Variants in ZMAT5 observed in about 807,000 individuals in gnomAD.
ZMAT5 encodes zinc finger matrin-type 5.
In ZMAT5, 23 loss-of-function variants were observed where a neutral mutation model predicts 28.0. The observed-to-expected ratio is 0.82, with a 90% CI of 0.59 to 1.16. ZMAT5 has a LOEUF of 1.16. Among genes scored for constraint, ZMAT5 ranks in the 50% most tolerant of loss-of-function variants. ZMAT5 has a pLI of 0.00. For synonymous variants in ZMAT5, 76 were observed against 84.1 expected, an observed-to-expected ratio of 0.90 and a Z score of 0.52; for missense variants, 173 against 212.7, an observed-to-expected ratio of 0.81 and a Z score of 1.16.
intron 1 of ZMAT5, among the ~76,000 whole-genome samples, chr22:29,760,854 T>C (rs1320517287): frequency 1.3e-5 from 2 of 152,220 alleles, no homozygotes; most frequent in African/African-American, 4.8e-5. Context: ...GTTTTCTTAC[T>C]AGATAAGTGT....
At chr22:29,732,744 A>G (rs113435312) in intron 5 of ZMAT5, among the ~76,000 whole-genome samples, 2 of 150,446 alleles carry the variant, frequency 1.3e-5, no homozygotes, top group Non-Finnish European at 3.0e-5. Context: ...CTTCTCAAAA[A>G]AAAAAAAAAA....
chr22:29,740,278 C>T (rs1348525470), intron 4 of ZMAT5, among the ~76,000 whole-genome samples: 1 of 152,068 alleles, frequency 6.6e-6, no homozygotes, highest in Non-Finnish European at 1.5e-5. Flanking sequence ...CCTAGACTGT[C>T]GTAAGGGGTC....
chr22:29,739,731 G>A (rs1002145939), intron 4 of ZMAT5, among the ~76,000 whole-genome samples: 15 of 152,238 alleles, frequency 9.9e-5, no homozygotes, highest in Admixed American at 2.6e-4. Flanking sequence ...TGCAGCTGCC[G>A]CTGCTGCCAG....
chr22:29,749,104 G>T (rs2068035182), intron 1 of ZMAT5, among the ~76,000 whole-genome samples: 1 of 152,094 alleles, frequency 6.6e-6, no homozygotes, highest in South Asian at 2.1e-4. Flanking sequence ...TTGAGACAGA[G>T]TCTCGCTCTG....
chr22:29,738,648 T>C (rs917750085), intron 4 of ZMAT5, among the ~76,000 whole-genome samples: 26 of 151,842 alleles, frequency 1.7e-4, no homozygotes, highest in African/African-American at 6.3e-4. Context: ...TCCCATCAAA[T>C]AGAGACAACC....
Position 29,748,483 on chromosome 22 carries a change from CG to C in ZMAT5, c.61del (p.Arg21AlafsTer5). On this transcript the variant is annotated frameshift_variant, in exon 2 of 6. Transcript: ENST00000344318. LOFTEE classifies it high-confidence loss of function. ...CTGCAGCCCGTTCAGGTGCTTCTTG[CG>C]GTTGTGGAGGTTGTCCTGGAAGGAG... ...DRSFQDNLHN[R>X]KKHLNGLQHL... 1 of 1,614,240 alleles carries C rather than the reference CG, an allele frequency of 6.2e-7. No individual in the cohort carries two copies. Among genetic ancestry groups the C allele is most frequent in the Non-Finnish European group, 8.5e-7 (1 of 1,180,040 alleles).
intron 1 of ZMAT5, among the ~76,000 whole-genome samples, chr22:29,757,319 C>T (rs1474307206): frequency 6.6e-6 from 1 of 151,678 alleles, no homozygotes; most frequent in African/African-American, 2.4e-5. Context: ...TGAGAGCATG[C>T]TCAAGGTCAC....
At chr22:29,739,910 C>G (rs1487001697) in intron 4 of ZMAT5, among the ~76,000 whole-genome samples, 2 of 152,206 alleles carry the variant, frequency 1.3e-5, no homozygotes, top group Non-Finnish European at 2.9e-5. Context: ...GTAGGGGGAT[C>G]AGGGCAAAGG....
intron 5 of ZMAT5, 31 bp downstream of exon 5, chr22:29,738,299 C>G: frequency 6.3e-7 from 1 of 1,593,062 alleles, no homozygotes. Flanking sequence ...CCCCAGGGGG[C>G]ACAGCGGGAG....
intron 5 of ZMAT5, among the ~76,000 whole-genome samples, chr22:29,737,738 C>T (rs762881812): frequency 5.9e-5 from 9 of 152,012 alleles, no homozygotes; most frequent in East Asian, 3.9e-4. Flanking sequence ...GAATATCACC[C>T]GAGGCCCTTC....
chr22:29,743,310 G>C (rs2067980877), intron 2 of ZMAT5, among the ~76,000 whole-genome samples: 1 of 152,192 alleles, frequency 6.6e-6, no homozygotes, highest in Admixed American at 6.5e-5. Context: ...CCTTCCACCA[G>C]CTGTAGGGCA....
chr22:29,758,149 C>A (rs548892205), intron 1 of ZMAT5, among the ~76,000 whole-genome samples: 1 of 152,302 alleles, frequency 6.6e-6, no homozygotes, highest in East Asian at 1.9e-4. Context: ...AGACCCCCTG[C>A]TAACAGCCAC....
chr22:29,736,919 C>T (rs1314844657), intron 5 of ZMAT5, among the ~76,000 whole-genome samples: 2 of 150,384 alleles, frequency 1.3e-5, no homozygotes, highest in Non-Finnish European at 3.0e-5. Flanking sequence ...CCCAGCTACT[C>T]AGGAGGCTGA....
rs9620920 is a variant in ZMAT5, at chr22:29,732,726, C to T, written c.384-1372G>A. Among the ~76,000 whole-genome samples, 889 of 121,914 alleles carry T rather than the reference C, an allele frequency of 7.3e-3. 12 individuals are homozygous for T. The highest frequency in any genetic ancestry group is 0.028 in the African/African-American group (857 of 30,416). The allele number at this position is 121,914 out of a possible 152,430, so 80.0% of individuals were successfully genotyped here. On this transcript the variant is annotated intron_variant, in intron 5 of 5. Transcript: ENST00000344318. ...CTGCACTCCAGCCTGGGCGACAGAG[C>T]GAGACTCCTTCTCAAAAAAAAAAAA...
At chr22:29,760,171 A>G (rs990652516) in intron 1 of ZMAT5, among the ~76,000 whole-genome samples, 2 of 152,288 alleles carry the variant, frequency 1.3e-5, no homozygotes, top group East Asian at 3.9e-4. Context: ...ACTGCACTCC[A>G]GCCTGGGCAA....
At chr22:29,733,996 C>CCA (rs1033043069) in intron 5 of ZMAT5, among the ~76,000 whole-genome samples, 5 of 152,182 alleles carry the variant, frequency 3.3e-5, no homozygotes, top group Non-Finnish European at 5.9e-5. Flanking sequence ...AGGACAGGAG[C>CCA]CACTCTCTTG....
chr22:29,763,798 C>T (rs557248724), intron 1 of ZMAT5, among the ~76,000 whole-genome samples: 1 of 151,824 alleles, frequency 6.6e-6, no homozygotes, highest in African/African-American at 2.4e-5. Context: ...AACCAGAAAA[C>T]GAAATTAGTG....
chr22:29,744,545 G>A (rs1309376781), intron 2 of ZMAT5, among the ~76,000 whole-genome samples: 1 of 152,076 alleles, frequency 6.6e-6, no homozygotes, highest in East Asian at 1.9e-4. Context: ...CCCTGAGGTG[G>A]GGGGGTACTA....
Position 29,737,639 on chromosome 22 carries a change from C to T in ZMAT5, c.383+691G>A, listed in dbSNP as rs150792759. On this transcript the variant is annotated intron_variant, in intron 5 of 5. Coordinates refer to ENST00000344318, the MANE Select transcript of ZMAT5 (RefSeq NM_001003692.2). Reference sequence around the variant, plus strand: ...CCTTTTCCTCCCCTCCCTCCTTCAACTGCTGGAGGAAGAGCCCAGGAGCTC... The same window carrying T: ...CCTTTTCCTCCCCTCCCTCCTTCAATTGCTGGAGGAAGAGCCCAGGAGCTC... 4.0e-3 allele frequency among the ~76,000 whole-genome samples: 611 copies of T among 152,306 alleles called. 3 individuals carry two copies. The highest frequency in any genetic ancestry group is 0.014 in the African/African-American group (580 of 41,566).
Sources: allele counts gnomAD v4.1 joint callset (sites outside exome capture counted in the v4.1 genomes callset), GRCh38; gene constraint gnomAD v4.1.1; transcripts MANE v1.5; gene names NCBI Gene and HGNC (gene_info 2026-07-23, HGNC 2026-07-21).